ST6GAL1: variants seen among roughly 807,000 people sequenced by gnomAD.
ST6GAL1 encodes the protein ST6 beta-galactoside alpha-2,6-sialyltransferase 1.
A neutral mutation model predicts 38.0 loss-of-function variants in ST6GAL1; 20 were observed. The observed-to-expected ratio is 0.53, with a 90% CI of 0.37 to 0.77. ST6GAL1 has a LOEUF of 0.77. ST6GAL1 is among the 30% of genes least tolerant of loss of function. The pLI is 0.00. For synonymous variants in ST6GAL1, 196 were observed against 188.2 expected, an observed-to-expected ratio of 1.04 and a Z score of -0.34; for missense variants, 432 against 496.4, an observed-to-expected ratio of 0.87 and a Z score of 1.23.
chr3:187,022,445 G>C (rs1349836062), intron 2 of ST6GAL1, among the ~76,000 whole-genome samples: 1 of 152,162 alleles, frequency 6.6e-6, no homozygotes, highest in Non-Finnish European at 1.5e-5. Flanking sequence ...AGCTGAGAGA[G>C]TCAAGTTATT....
chr3:187,019,558 G>A (rs899520495), intron 2 of ST6GAL1, among the ~76,000 whole-genome samples: 1 of 152,212 alleles, frequency 6.6e-6, no homozygotes, highest in Admixed American at 6.5e-5. Flanking sequence ...ATGGCAGAAG[G>A]AGCAAACTTC....
chr3:186,939,916 A>G (rs11719915), intron 1 of ST6GAL1, among the ~76,000 whole-genome samples: 110,354 of 152,142 alleles, frequency 0.73, 40,319 homozygotes, highest in African/African-American at 0.81. Context: ...CTCACACCCC[A>G]TCTATGGGAA....
intron 2 of ST6GAL1, among the ~76,000 whole-genome samples, chr3:187,023,036 G>T (rs1464014616): frequency 6.6e-6 from 1 of 152,168 alleles, no homozygotes; most frequent in African/African-American, 2.4e-5. Flanking sequence ...CAAAAGGGAG[G>T]GGTATGATGA....
intron 2 of ST6GAL1, among the ~76,000 whole-genome samples, chr3:187,007,068 A>G (rs1716807432): frequency 6.6e-6 from 1 of 152,230 alleles, no homozygotes; most frequent in Non-Finnish European, 1.5e-5. Flanking sequence ...ATAGGATGCA[A>G]AAAACCACAT....
chr3:187,019,184 G>C (rs1257385308), intron 2 of ST6GAL1, among the ~76,000 whole-genome samples: 1 of 152,178 alleles, frequency 6.6e-6, no homozygotes, highest in African/African-American at 2.4e-5. Context: ...ATGATTTGAT[G>C]TGAAAGAATT....
At chr3:186,971,628 C>T (rs546205314) in intron 2 of ST6GAL1, among the ~76,000 whole-genome samples, 9 of 152,324 alleles carry the variant, frequency 5.9e-5, no homozygotes, top group East Asian at 1.9e-4. Context: ...TTCTTCAGCC[C>T]AGTTCACCAG....
At chr3:186,976,125 A>C (rs1007538906) in intron 2 of ST6GAL1, among the ~76,000 whole-genome samples, 1 of 152,178 alleles carries the variant, frequency 6.6e-6, no homozygotes, top group Non-Finnish European at 1.5e-5. Flanking sequence ...CCTACCACAG[A>C]GAACTCTGAG....
At chr3:186,933,500 G>A (rs879623077) in intron 1 of ST6GAL1, among the ~76,000 whole-genome samples, 19 of 152,202 alleles carry the variant, frequency 1.2e-4, no homozygotes, top group Admixed American at 1.2e-3. Flanking sequence ...CACCTGCATG[G>A]CCGAGCGAGC....
intron 2 of ST6GAL1, among the ~76,000 whole-genome samples, chr3:187,020,566 C>G (rs1259022614): frequency 6.6e-6 from 1 of 152,212 alleles, no homozygotes; most frequent in Non-Finnish European, 1.5e-5. Context: ...GCCAAAACCC[C>G]TACACCTGTG....
intron 5 of ST6GAL1, among the ~76,000 whole-genome samples, chr3:187,069,559 C>T (rs1384223898): frequency 1.3e-5 from 2 of 152,202 alleles, no homozygotes; most frequent in African/African-American, 4.8e-5. Context: ...ACAATTGTAA[C>T]TTCTTTTCTT....
At chr3:187,029,230 A>G (rs988776275) in intron 2 of ST6GAL1, among the ~76,000 whole-genome samples, 2 of 152,010 alleles carry the variant, frequency 1.3e-5, no homozygotes, top group African/African-American at 4.8e-5. Context: ...AGGTGTTTTG[A>G]TTTTGCTTTT....
At chr3:187,048,869 T>C (rs1718402000) in intron 4 of ST6GAL1, among the ~76,000 whole-genome samples, 1 of 148,444 alleles carries the variant, frequency 6.7e-6, no homozygotes, top group Non-Finnish European at 1.5e-5. Context: ...GCTCTGTCCC[T>C]GAGAAATTGA....
At chr3:186,967,092 C>T (rs1715157390) in intron 2 of ST6GAL1, among the ~76,000 whole-genome samples, 1 of 152,196 alleles carries the variant, frequency 6.6e-6, no homozygotes, top group Non-Finnish European at 1.5e-5. Flanking sequence ...GTTCTGTCAC[C>T]ACTCATGTCC....
intron 2 of ST6GAL1, chr3:187,006,407 A>G (rs1339799512): frequency 2.6e-5 from 4 of 152,218 alleles, no homozygotes; most frequent in Non-Finnish European, 5.9e-5. Flanking sequence ...AATTATGGTC[A>G]CTTTCAGGAC....
At chr3:186,933,272 G>T (rs1225477240) in intron 1 of ST6GAL1, among the ~76,000 whole-genome samples, 13 of 152,108 alleles carry the variant, frequency 8.5e-5, no homozygotes, top group Admixed American at 8.5e-4. Context: ...TCCATAAAAG[G>T]CCCCTGACCC....
chr3:186,974,549 G>T (rs182205292), intron 2 of ST6GAL1, among the ~76,000 whole-genome samples: 1 of 152,216 alleles, frequency 6.6e-6, no homozygotes, highest in East Asian at 1.9e-4. Context: ...AACTTACTGA[G>T]CTGTGCAGTT....
intron 2 of ST6GAL1, among the ~76,000 whole-genome samples, chr3:187,024,470 A>ATG (rs1295712570): frequency 2.5e-4 from 25 of 98,244 alleles, no homozygotes; most frequent in South Asian, 7.1e-4. Context: ...ACACATATAT[A>ATG]TGTGTATATA....
chr3:187,032,761 C>T (rs1717797423), intron 2 of ST6GAL1, among the ~76,000 whole-genome samples: 1 of 152,154 alleles, frequency 6.6e-6, no homozygotes, highest in African/African-American at 2.4e-5. Flanking sequence ...AACCGTCCTT[C>T]TTTGAGCTGA....
intron 1 of ST6GAL1, among the ~76,000 whole-genome samples, chr3:186,939,535 A>G (rs1170851206): frequency 6.6e-6 from 1 of 152,152 alleles, no homozygotes; most frequent in East Asian, 1.9e-4. Flanking sequence ...GTGACTTTTG[A>G]ATTTCTTGGA....
Sources: allele counts gnomAD v4.1 joint callset (sites outside exome capture counted in the v4.1 genomes callset), GRCh38; gene constraint gnomAD v4.1.1; transcripts MANE v1.5; gene names NCBI Gene and HGNC (gene_info 2026-07-23, HGNC 2026-07-21).